The following C12orf42 variants were observed in gnomAD, a reference collection of about 807,000 sequenced individuals.
C12orf42 encodes chromosome 12 open reading frame 42, also known as uncharacterized protein C12orf42.
Under a neutral mutation model 21.6 loss-of-function variants are expected in C12orf42, and 25 were observed. The ratio of observed to expected loss-of-function variants is 1.16; its 90% CI spans 0.84 to 1.62. C12orf42 has a LOEUF of 1.62. Ranked by LOEUF, C12orf42 falls within the 40% of genes most tolerant of loss-of-function variation. C12orf42 has a pLI of 0.00. For missense variants in C12orf42, 483 were observed against 459.3 expected (o/e 1.05, Z -0.47); for synonymous variants, 174 against 175.0 (o/e 0.99, Z 0.05).
intron 4 of C12orf42, among the ~76,000 whole-genome samples, chr12:103,282,881 C>T (rs975955453): frequency 6.6e-6 from 1 of 152,140 alleles, no homozygotes; most frequent in African/African-American, 2.4e-5. Flanking sequence ...TTTCAAGATT[C>T]ATTTATCAAG....
the C12orf42 span, among the ~76,000 whole-genome samples, chr12:103,507,230 T>TATAA: frequency 4.1e-5 from 2 of 48,866 alleles, no homozygotes; most frequent in African/African-American, 3.7e-4. Flanking sequence ...TAAATATAAA[T>TATAA]ATATATATAT....
At chr12:103,377,209 C>G (rs139444995) in intron 3 of C12orf42, among the ~76,000 whole-genome samples, 1 of 151,908 alleles carries the variant, frequency 6.6e-6, no homozygotes, top group East Asian at 1.9e-4. Context: ...TGTGTAGTTT[C>G]AGTGTCTTCT....
chr12:103,124,379 C>T, the C12orf42 span, among the ~76,000 whole-genome samples: 1 of 151,986 alleles, frequency 6.6e-6, no homozygotes, highest in African/African-American at 2.4e-5. Flanking sequence ...GATGGTGGCT[C>T]TGCTCACAAT....
the C12orf42 span, among the ~76,000 whole-genome samples, chr12:103,050,901 A>G: frequency 2.6e-5 from 4 of 152,300 alleles, no homozygotes; most frequent in South Asian, 4.1e-4. Flanking sequence ...GGGCTTAAAA[A>G]TTGTTCTGTT....
At chr12:103,415,421 C>T (rs745751406) in intron 2 of C12orf42, among the ~76,000 whole-genome samples, 14 of 152,192 alleles carry the variant, frequency 9.2e-5, no homozygotes, top group Admixed American at 2.0e-4. Flanking sequence ...AATTGACTAA[C>T]GATTGGACTT....
At chr12:103,424,449 T>G (rs1038649188) in intron 2 of C12orf42, among the ~76,000 whole-genome samples, 6 of 152,132 alleles carry the variant, frequency 3.9e-5, no homozygotes, top group African/African-American at 1.4e-4. Flanking sequence ...AGGCGGGTGA[T>G]TTCTGCATTT....
intron 4 of C12orf42, chr12:103,277,282 CTT>C (rs1312415896): frequency 5.5e-6 from 2 of 365,706 alleles, no homozygotes; most frequent in Middle Eastern, 4.9e-4. Flanking sequence ...TTATAATAAA[CTT>C]ATTAATTTAT....
chr12:103,152,100 C>T, the C12orf42 span, among the ~76,000 whole-genome samples: 20 of 152,280 alleles, frequency 1.3e-4, no homozygotes, highest in African/African-American at 4.8e-4. Flanking sequence ...AGGAAAACAA[C>T]AACAACAGAG....
At chr12:103,252,549 G>A (rs2034361898) in intron 10 of C12orf42, among the ~76,000 whole-genome samples, 2 of 152,314 alleles carry the variant, frequency 1.3e-5, no homozygotes, top group South Asian at 4.1e-4. Flanking sequence ...GACCAGTGAT[G>A]ATGAGCTGTT....
the C12orf42 span, among the ~76,000 whole-genome samples, chr12:103,512,238 G>A: frequency 5.1e-4 from 77 of 152,264 alleles, no homozygotes; most frequent in African/African-American, 1.8e-3. Context: ...ACTCATATGT[G>A]GGAGCTAAAA....
the C12orf42 span, among the ~76,000 whole-genome samples, chr12:103,087,712 A>G: frequency 6.6e-6 from 1 of 152,210 alleles, no homozygotes; most frequent in Non-Finnish European, 1.5e-5. Flanking sequence ...TTTTATGACC[A>G]TTTTTTAAAA....
chr12:103,150,340 G>C, the C12orf42 span, among the ~76,000 whole-genome samples: 1 of 152,174 alleles, frequency 6.6e-6, no homozygotes, highest in African/African-American at 2.4e-5. Context: ...AAGTGTCAAC[G>C]ATGCTATAAA....
the C12orf42 span, among the ~76,000 whole-genome samples, chr12:103,128,160 G>A: frequency 6.6e-6 from 1 of 152,178 alleles, no homozygotes. Context: ...TGAGGGGAGG[G>A]ATCATGCTTC....
chr12:103,109,206 A>G, the C12orf42 span, among the ~76,000 whole-genome samples: 81 of 152,330 alleles, frequency 5.3e-4, no homozygotes, highest in African/African-American at 1.8e-3. Flanking sequence ...ATAAAGCTAG[A>G]TTAATAAAAT....
chr12:103,113,959 C>T, the C12orf42 span, among the ~76,000 whole-genome samples: 1 of 152,144 alleles, frequency 6.6e-6, no homozygotes, highest in African/African-American at 2.4e-5. Flanking sequence ...CTACTATACA[C>T]TCAACAGTTT....
chr12:103,358,590 A>G (rs2043795580), intron 4 of C12orf42, among the ~76,000 whole-genome samples: 1 of 151,746 alleles, frequency 6.6e-6, no homozygotes, highest in Admixed American at 6.6e-5. Flanking sequence ...TACCATCACC[A>G]TCACCCATAT....
chr12:103,208,474 A>G, the C12orf42 span, among the ~76,000 whole-genome samples: 17 of 152,356 alleles, frequency 1.1e-4, no homozygotes, highest in African/African-American at 4.1e-4. Flanking sequence ...CCCCACAAAA[A>G]CAATTTTCAG....
chr12:103,367,373 A>C (rs1434935283), intron 4 of C12orf42, among the ~76,000 whole-genome samples: 1 of 151,764 alleles, frequency 6.6e-6, no homozygotes, highest in African/African-American at 2.4e-5. Flanking sequence ...GTGCACCAAA[A>C]TCTCACAAAT....
At chr12:103,089,101 CAAAAA>C in the C12orf42 span, among the ~76,000 whole-genome samples, 47 of 54,848 alleles carry the variant, frequency 8.6e-4, no homozygotes, top group African/African-American at 3.6e-3. Flanking sequence ...GACTCCATCT[CAAAAA>C]AAAAAAAAAA....
Sources: gnomAD v4.1 joint callset for allele counts (sites outside exome capture counted in the v4.1 genomes callset) on GRCh38, gnomAD v4.1.1 for gene constraint, MANE v1.5 for transcripts, NCBI Gene and HGNC (gene_info 2026-07-23, HGNC 2026-07-21) for gene names.